The following GAS2 variants were observed in gnomAD, a reference collection of about 807,000 sequenced individuals.
GAS2 encodes the protein growth arrest-specific protein 2.
GAS2 carries 20 observed loss-of-function variants against 37.5 expected under a neutral mutation model. The observed-to-expected ratio is 0.53, with a 90% confidence interval of 0.37 to 0.77. GAS2 has a LOEUF of 0.77. GAS2 is among the 30% of genes least tolerant of loss of function. The probability of loss-of-function intolerance (pLI) is 0.00; values close to 1 mark genes in which losing one functional copy is unlikely to be tolerated. For missense variants in GAS2, 336 were observed against 373.4 expected (o/e 0.90, Z 0.82); for synonymous variants, 144 against 132.2 (o/e 1.09, Z -0.61).
intron 7 of GAS2, among the ~76,000 whole-genome samples, chr11:22,775,509 G>A (rs536836852): frequency 2.6e-5 from 4 of 152,050 alleles, no homozygotes; most frequent in East Asian, 3.9e-4. Flanking sequence ...GGAATTGGTC[G>A]GGTTTCAAAA....
At chr11:22,779,825 A>G (rs1855462066) in intron 7 of GAS2, among the ~76,000 whole-genome samples, 1 of 151,978 alleles carries the variant, frequency 6.6e-6, no homozygotes, top group East Asian at 1.9e-4. Flanking sequence ...TTTAGTGGTT[A>G]CTCCCAATGT....
At chr11:22,773,498 A>G (rs1019662747) in intron 7 of GAS2, among the ~76,000 whole-genome samples, 19 of 142,046 alleles carry the variant, frequency 1.3e-4, no homozygotes, top group African/African-American at 4.5e-4. Flanking sequence ...GATTCACGCC[A>G]TTCTCCTGCC....
At chr11:22,654,335 A>C (rs938616931) in intron 1 of GAS2, among the ~76,000 whole-genome samples, 1 of 151,836 alleles carries the variant, frequency 6.6e-6, no homozygotes, top group Non-Finnish European at 1.5e-5. Context: ...TTATTTAAAT[A>C]ATTTTTTCCT....
chr11:22,686,455 C>G (rs2133947126), intron 3 of GAS2, among the ~76,000 whole-genome samples: 1 of 150,858 alleles, frequency 6.6e-6, no homozygotes, highest in South Asian at 2.1e-4. Context: ...GTGGCTCATG[C>G]CTGTAATCCC....
intron 1 of GAS2, among the ~76,000 whole-genome samples, chr11:22,631,585 G>A (rs1858745616): frequency 6.6e-6 from 1 of 152,036 alleles, no homozygotes; most frequent in South Asian, 2.1e-4. Flanking sequence ...TAATCATATG[G>A]CTATTGCTTT....
In GAS2 at chr11:22,667,784, G is replaced by A. The variant is rs560663953; in HGVS notation, c.-21+885G>A. The stretch of plus-strand genomic sequence containing the variant: ...ACATTCTAAAAACAATTGAGGTTGG[G>A]GGAGGGTTGTTAATTCTTTTCCCAG... On this transcript the variant is annotated intron_variant, in intron 1 of 7. Transcript: ENST00000454584. Among the ~76,000 whole-genome samples the A allele has an allele frequency of 1.4e-4, 22 of 152,282 alleles. No individual in the cohort carries two copies. The East Asian group carries it at 4.0e-3, about 28-fold the overall frequency.
At chr11:22,635,695 A>G (rs1327492803) in intron 1 of GAS2, among the ~76,000 whole-genome samples, 2 of 152,166 alleles carry the variant, frequency 1.3e-5, no homozygotes, top group Non-Finnish European at 2.9e-5. Flanking sequence ...GTGAATCTCC[A>G]CTGGGAGCTT....
chr11:22,660,755 CTAAG>C (rs1364356415), intron 1 of GAS2, among the ~76,000 whole-genome samples: 1 of 152,180 alleles, frequency 6.6e-6, no homozygotes, highest in Non-Finnish European at 1.5e-5. Flanking sequence ...ACTCTAGAGA[CTAAG>C]TGACTACTGT....
chr11:22,777,070 A>G (rs1855295731), intron 7 of GAS2, among the ~76,000 whole-genome samples: 1 of 152,182 alleles, frequency 6.6e-6, no homozygotes, highest in African/African-American at 2.4e-5. Context: ...AAAACTTCCT[A>G]TATGGAAAAC....
intron 7 of GAS2, among the ~76,000 whole-genome samples, chr11:22,809,211 G>A (rs1658641933): frequency 6.6e-6 from 1 of 152,130 alleles, no homozygotes; most frequent in South Asian, 2.1e-4. Flanking sequence ...CAGGGAAGGA[G>A]GCTTTATTTG....
At chr11:22,665,544 A>G (rs1052325206), upstream of GAS2, among the ~76,000 whole-genome samples, 3 of 152,214 alleles carry the variant, frequency 2.0e-5, no homozygotes, top group Non-Finnish European at 4.4e-5. Flanking sequence ...TCTCCTTAAA[A>G]TTAAGAATAA....
At chr11:22,749,328 G>A (rs1853600771) in intron 6 of GAS2, 67 bp downstream of exon 6, 1 of 1,395,630 alleles carries the variant, frequency 7.2e-7, no homozygotes, top group African/African-American at 1.5e-5. Flanking sequence ...CATATTCTGT[G>A]CAATCTCGTA....
chr11:22,740,923 T>G (rs1201254838), intron 5 of GAS2, among the ~76,000 whole-genome samples: 1 of 152,228 alleles, frequency 6.6e-6, no homozygotes, highest in East Asian at 1.9e-4. Context: ...CAGATGAGTT[T>G]AGACCTTAAT....
chr11:22,698,714 T>C (rs1192672427), intron 3 of GAS2, among the ~76,000 whole-genome samples: 1 of 152,084 alleles, frequency 6.6e-6, no homozygotes, highest in Non-Finnish European at 1.5e-5. Context: ...GCTGGTTCAA[T>C]ATATGCAAAT....
chr11:22,775,796 A>G (rs1855228198), intron 7 of GAS2, among the ~76,000 whole-genome samples: 3 of 152,194 alleles, frequency 2.0e-5, no homozygotes, highest in Non-Finnish European at 2.9e-5. Flanking sequence ...CTTATTCTCC[A>G]GATGTTATTC....
chr11:22,695,936 T>C (rs574573272), intron 3 of GAS2, among the ~76,000 whole-genome samples: 124 of 152,254 alleles, frequency 8.1e-4, no homozygotes, highest in African/African-American at 2.9e-3. Flanking sequence ...AAAACGTTGT[T>C]TTTTTAAATT....
At chr11:22,756,421 T>A (rs1301667991) in intron 7 of GAS2, among the ~76,000 whole-genome samples, 26 of 152,158 alleles carry the variant, frequency 1.7e-4, no homozygotes, top group Non-Finnish European at 1.5e-5. Flanking sequence ...TTGTGATGTT[T>A]TTTAAAAAAG....
At chr11:22,627,390 A>G (rs770006594) in intron 1 of GAS2, among the ~76,000 whole-genome samples, 5 of 152,244 alleles carry the variant, frequency 3.3e-5, no homozygotes, top group Non-Finnish European at 7.3e-5. Context: ...GAGACATTAA[A>G]TGAATAACCT....
intron 3 of GAS2, among the ~76,000 whole-genome samples, chr11:22,698,570 A>G (rs1850664582): frequency 6.7e-6 from 1 of 150,032 alleles, no homozygotes; most frequent in African/African-American, 2.5e-5. Context: ...CAACCAAAAA[A>G]GAGAATTTTA....
Sources: gnomAD v4.1 joint callset for allele counts (sites outside exome capture counted in the v4.1 genomes callset) on GRCh38, gnomAD v4.1.1 for gene constraint, MANE v1.5 for transcripts, NCBI Gene and HGNC (gene_info 2026-07-23, HGNC 2026-07-21) for gene names.